The following ANGPT1 variants were observed in gnomAD, a reference collection of about 807,000 sequenced individuals.
ANGPT1 encodes angiopoietin 1.
Under a neutral mutation model 62.2 loss-of-function variants are expected in ANGPT1, and 17 were observed. The ratio of observed to expected loss-of-function variants is 0.27; its 90% CI spans 0.19 to 0.41. The LOEUF is 0.41. Ranked by LOEUF, ANGPT1 falls within the 10% of genes least tolerant of loss-of-function variation. The probability of loss-of-function intolerance (pLI) is 1.00; values close to 1 mark genes in which losing one functional copy is unlikely to be tolerated. For missense variants in ANGPT1, 478 were observed against 594.9 expected, an observed-to-expected ratio of 0.80 and a Z score of 2.04; for synonymous variants, 199 against 198.9, an observed-to-expected ratio of 1.00 and a Z score of 0.00.
intron 1 of ANGPT1, among the ~76,000 whole-genome samples, chr8:107,473,161 A>G (rs1471616271): frequency 6.6e-6 from 1 of 152,094 alleles, no homozygotes; most frequent in Non-Finnish European, 1.5e-5. Flanking sequence ...TTAAATATCC[A>G]CATGGTTGAT....
At chr8:107,344,008 G>C (rs1815750875) in intron 2 of ANGPT1, among the ~76,000 whole-genome samples, 5 of 152,134 alleles carry the variant, frequency 3.3e-5, no homozygotes, top group African/African-American at 1.2e-4. Flanking sequence ...GCTGCAGTGA[G>C]CCCTGATCAG....
intron 1 of ANGPT1, among the ~76,000 whole-genome samples, chr8:107,456,027 A>G (rs575849099): frequency 1.3e-5 from 2 of 152,190 alleles, no homozygotes; most frequent in East Asian, 1.9e-4. Flanking sequence ...GAGATCTGGT[A>G]TATGTATCAG....
chr8:107,480,554 C>A (rs1369810693), intron 1 of ANGPT1, among the ~76,000 whole-genome samples: 3 of 152,160 alleles, frequency 2.0e-5, no homozygotes, highest in African/African-American at 7.2e-5. Flanking sequence ...AGCAGACTAT[C>A]CACACACATA....
At chr8:107,441,529 A>G (rs1811475661) in intron 1 of ANGPT1, among the ~76,000 whole-genome samples, 1 of 152,178 alleles carries the variant, frequency 6.6e-6, no homozygotes, top group South Asian at 2.1e-4. Flanking sequence ...CCCCATTGCC[A>G]AGTAGAGAGA....
intron 1 of ANGPT1, chr8:107,494,752 T>A (rs1175546878): frequency 6.6e-6 from 1 of 152,214 alleles, no homozygotes; most frequent in Non-Finnish European, 1.5e-5. Flanking sequence ...TTTCCCTTCA[T>A]GGAAGGTGAT....
intron 6 of ANGPT1, among the ~76,000 whole-genome samples, chr8:107,291,072 A>G (rs1276055154): frequency 6.6e-6 from 1 of 152,204 alleles, no homozygotes; most frequent in Non-Finnish European, 1.5e-5. Flanking sequence ...CTGAGTCTCT[A>G]TCTACAGTCT....
intron 4 of ANGPT1, among the ~76,000 whole-genome samples, chr8:107,311,942 T>C (rs965665707): frequency 9.2e-5 from 14 of 151,790 alleles, no homozygotes; most frequent in African/African-American, 2.7e-4. Flanking sequence ...CGGGCGCCTG[T>C]AGTCCCAGCT....
intron 1 of ANGPT1, among the ~76,000 whole-genome samples, chr8:107,392,819 T>C (rs1297852173): frequency 6.6e-6 from 1 of 152,202 alleles, no homozygotes; most frequent in Non-Finnish European, 1.5e-5. Context: ...GAAGAGTTGT[T>C]TTTGCCAAAC....
chr8:107,265,829 T>C (rs957254638), intron 7 of ANGPT1, among the ~76,000 whole-genome samples: 13 of 152,172 alleles, frequency 8.5e-5, no homozygotes, highest in Non-Finnish European at 1.8e-4. Context: ...TTTGGAGATA[T>C]ATTTTAACTT....
chr8:107,495,685 T>C (rs1813073802), intron 1 of ANGPT1, among the ~76,000 whole-genome samples: 1 of 152,198 alleles, frequency 6.6e-6, no homozygotes, highest in Non-Finnish European at 1.5e-5. Context: ...ACTATACGGA[T>C]GGTGTACTGA....
At chr8:107,393,509 A>T (rs60569707) in intron 1 of ANGPT1, among the ~76,000 whole-genome samples, 10,786 of 152,102 alleles carry the variant, frequency 0.071, 914 homozygotes, top group East Asian at 0.48. Context: ...TGATCTTTTT[A>T]AAAAAAATTA....
At chr8:107,392,689 A>G (rs1816858335) in intron 1 of ANGPT1, among the ~76,000 whole-genome samples, 3 of 151,502 alleles carry the variant, frequency 2.0e-5, no homozygotes, top group Admixed American at 2.0e-4. Flanking sequence ...TATTAACTCT[A>G]CTCCTGTTCT....
At chr8:107,468,226 G>A (rs1250322657) in intron 1 of ANGPT1, among the ~76,000 whole-genome samples, 1 of 152,062 alleles carries the variant, frequency 6.6e-6, no homozygotes, top group African/African-American at 2.4e-5. Context: ...TGCTCATTGG[G>A]AGGTGGGGCT....
chr8:107,405,286 G>A (rs959392728), intron 1 of ANGPT1, among the ~76,000 whole-genome samples: 8 of 151,828 alleles, frequency 5.3e-5, no homozygotes, highest in South Asian at 2.1e-4. Flanking sequence ...AATTGAGATC[G>A]TACTCTATAT....
At chr8:107,463,029 A>G (rs1003664846) in intron 1 of ANGPT1, among the ~76,000 whole-genome samples, 1 of 152,152 alleles carries the variant, frequency 6.6e-6, no homozygotes, top group Non-Finnish European at 1.5e-5. Flanking sequence ...CGGTGCATGG[A>G]CAAGATTGAG....
chr8:107,446,102 A>G (rs1242398367), intron 1 of ANGPT1, among the ~76,000 whole-genome samples: 1 of 152,034 alleles, frequency 6.6e-6, no homozygotes, highest in Non-Finnish European at 1.5e-5. Flanking sequence ...TATTTTTAGT[A>G]GAGACTGGGT....
In ANGPT1 at chr8:107,491,194, G is replaced by A. The variant is rs73699713; in HGVS notation, c.297+6068C>T. Among the ~76,000 whole-genome samples the A allele has an allele frequency of 9.2e-3, 1,393 of 152,004 alleles. 22 individuals carry two copies. Among genetic ancestry groups the A allele is most frequent in the African/African-American group, 0.032 (1,343 of 41,484 alleles). On this transcript the variant is annotated intron_variant, in intron 1 of 8. Transcript: ENST00000517746. ...AAATAAAAACTAGTGAACAAGACAGGTGCATCATGTACCTCATAGAGCATA... is the reference window on the plus strand; with the variant it reads ...AAATAAAAACTAGTGAACAAGACAGATGCATCATGTACCTCATAGAGCATA...
chr8:107,282,411 G>A (rs1814029952), intron 7 of ANGPT1, among the ~76,000 whole-genome samples: 1 of 115,604 alleles, frequency 8.7e-6, no homozygotes, highest in East Asian at 2.4e-4. Context: ...TTATATATAT[G>A]AGGCTCATAT....
chr8:107,482,759 G>A (rs910342729), intron 1 of ANGPT1, among the ~76,000 whole-genome samples: 4 of 152,206 alleles, frequency 2.6e-5, no homozygotes, highest in African/African-American at 9.6e-5. Context: ...AATATGGTGA[G>A]GTGGGTGTGT....
Sources: gnomAD v4.1 joint callset for allele counts (sites outside exome capture counted in the v4.1 genomes callset) on GRCh38, gnomAD v4.1.1 for gene constraint, MANE v1.5 for transcripts, NCBI Gene and HGNC (gene_info 2026-07-23, HGNC 2026-07-21) for gene names.